ZNF132: variants seen among roughly 807,000 people sequenced by gnomAD.
ZNF132 encodes the protein zinc finger protein 132 (clone pHZ-12).
A neutral mutation model predicts 9.3 loss-of-function variants in ZNF132; 6 were observed. The observed-to-expected ratio is 0.65, with a 90% confidence interval of 0.35 to 1.28. The LOEUF is 1.28. Ranked by LOEUF, ZNF132 falls within the 50% of genes most tolerant of loss-of-function variation. ZNF132 has a pLI of 0.03. For missense variants in ZNF132, 877 were observed against 843.2 expected (o/e 1.04, Z -0.50); for synonymous variants, 296 against 292.0 (o/e 1.01, Z -0.14).
In ZNF132 at chr19:58,433,906, C is replaced by G; in HGVS notation, c.1538G>C (p.Arg513Thr). 6.2e-7 allele frequency: 1 copy of G among 1,614,144 alleles called. No individual in the cohort carries two copies. Among genetic ancestry groups the G allele is most frequent in the Non-Finnish European group, 8.5e-7 (1 of 1,180,022 alleles). ...CCTACATTCGCTGCACTCATAAGGC[C>G]TTTGCCCAGTATGTACTTTCTGGTG... ...IQHQKVHTGQ[R>T]PYECSECRKS... Residue 513 changes from arginine to threonine, a missense_variant, in exon 3 of 3, where the codon AGG (arginine) becomes ACG (threonine). Coordinates refer to ENST00000254166, the MANE Select transcript of ZNF132 (RefSeq NM_003433.4).
At chr19:58,437,285 T>TA (rs1405410154) in intron 1 of ZNF132, 70 bp from the exon 2 acceptor site, 1 of 1,479,546 alleles carries the variant, frequency 6.8e-7, no homozygotes, top group Non-Finnish European at 9.1e-7. Flanking sequence ...AGAATCCTGA[T>TA]ACATCTACCA....
At chr19:58,437,305 C>A in intron 1 of ZNF132, 90 bp from the exon 2 acceptor site, 1 of 1,405,672 alleles carries the variant, frequency 7.1e-7, no homozygotes, top group East Asian at 2.4e-5. Context: ...ACTAATATCT[C>A]TTTTTCTTAT....
chr19:58,439,095 A>T (rs2052788141), intron 1 of ZNF132, among the ~76,000 whole-genome samples: 1 of 152,076 alleles, frequency 6.6e-6, no homozygotes, highest in Non-Finnish European at 1.5e-5. Flanking sequence ...TTAACATTTC[A>T]CTTTCTTTCA....
rs1211634383 is a variant in ZNF132, at chr19:58,439,955, T to C, written c.-134A>G. On this transcript the variant is annotated 5_prime_UTR_variant, in exon 1 of 3. Transcript: ENST00000254166. ...CTCTGGGCACCGCAGGGACGAAGGCTGGGTATGGAGACCCTGGAGACGCGT... is the reference window on the plus strand; with the variant it reads ...CTCTGGGCACCGCAGGGACGAAGGCCGGGTATGGAGACCCTGGAGACGCGT... 3 of 895,516 alleles carry C rather than the reference T, an allele frequency of 3.4e-6. No homozygotes were observed. The highest frequency in any genetic ancestry group is 5.1e-6 in the Non-Finnish European group (3 of 592,442). The allele number at this position is 895,516 out of a possible 1,614,324, so 55.5% of individuals were successfully genotyped here. A position where few individuals can be genotyped will look rare whatever the true frequency, so the allele number is the denominator to read the frequency against.
chr19:58,432,987 C>A lies in ZNF132; in HGVS notation c.*336G>T. 1 of 195,234 alleles carries A rather than the reference C, an allele frequency of 5.1e-6. No homozygotes were observed. Among genetic ancestry groups the A allele is most frequent in the South Asian group, 1.1e-4 (1 of 8,986 alleles). The allele number at this position is 195,234 out of a possible 1,614,324, so 12.1% of individuals were successfully genotyped here. A position where few individuals can be genotyped will look rare whatever the true frequency, so the allele number is the denominator to read the frequency against. ...GCTCAAATTAGATTTCCCTCAAGGC[C>A]CCTCAACCAGCATCGGTTCAGCTGA... On this transcript the variant is annotated 3_prime_UTR_variant, in exon 3 of 3. Coordinates refer to ENST00000254166, the MANE Select transcript of ZNF132 (RefSeq NM_003433.4).
chr19:58,439,893 A>G lies in ZNF132; in HGVS notation c.-72T>C. ...CTTCCGCTGGGTGACGGTCGCACTC[A>G]GGACCTGTCTTCCCAAATGCAAAAT... On this transcript the variant is annotated 5_prime_UTR_variant, in exon 1 of 3. The change abolishes the stop of an existing upstream ORF in the 5' untranslated region. Transcript: ENST00000254166. 2.0e-6 allele frequency: 3 copies of G among 1,477,900 alleles called. No individual in the cohort carries two copies. Among genetic ancestry groups the G allele is most frequent in the Non-Finnish European group, 2.7e-6 (3 of 1,097,022 alleles). 91.5% of individuals were successfully genotyped at this position (1,477,900 alleles called of 1,614,324 possible).
rs1291084054 is a variant in ZNF132 at position 58,433,447 on chromosome 19, T to C, written c.1997A>G (p.Glu666Gly). ...ECIQCGKAFS[E>G]RSTLVRHQKV... is the part of the protein sequence containing the mutation. ...CTGGTGCCGAACAAGTGTAGATCTT[T>C]CACTAAAGGCTTTTCCACACTGGAT... The change falls in exon 3 of 3, where the codon GAA becomes GGA. Residue 666 changes from glutamate (E) to glycine (G), a missense_variant. By Grantham distance (98) the Glu-to-Gly change is moderately conservative (BLOSUM62 -2). Coordinates refer to ENST00000254166, the MANE Select transcript of ZNF132 (RefSeq NM_003433.4). The C allele has an allele frequency of 1.9e-6, 3 of 1,602,074 alleles. No individual in the cohort carries two copies. Among genetic ancestry groups the C allele is most frequent in the Non-Finnish European group, 8.5e-7 (1 of 1,174,538 alleles).
Position 58,437,125 on chromosome 19 carries a change from A to T in ZNF132, c.154T>A (p.Trp52Arg), listed in dbSNP as rs775234080. Reference sequence around the variant, plus strand: ...CTCTGGGCTGCATCAAGGAGCTCCCACTCCTCTTGGGAGAAGTATACAGCC... The same window carrying T: ...CTCTGGGCTGCATCAAGGAGCTCCCTCTCCTCTTGGGAGAAGTATACAGCC... Reference protein sequence around the residue: ...DVAVYFSQEEWELLDAAQRHL... With the variant: ...DVAVYFSQEERELLDAAQRHL... Residue 52 changes from tryptophan (W) to arginine (R), a missense_variant, in exon 2 of 3, where the codon TGG (tryptophan) becomes AGG (arginine). Coordinates refer to ENST00000254166, the MANE Select transcript of ZNF132 (RefSeq NM_003433.4). The T allele has an allele frequency of 1.2e-6, 2 of 1,613,884 alleles. No individual in the cohort carries two copies. The highest frequency in any genetic ancestry group is 1.7e-6 in the Non-Finnish European group (2 of 1,179,958).
rs1378831289 is a variant in ZNF132 at position 58,432,991 on chromosome 19, C to T, written c.*332G>A. The T allele has an allele frequency of 1.0e-5, 2 of 200,480 alleles. No individual in the cohort carries two copies. The highest frequency in any genetic ancestry group is 2.0e-5 in the Non-Finnish European group (2 of 100,226). 12.4% of individuals were successfully genotyped at this position (200,480 alleles called of 1,614,324 possible). A position where few individuals can be genotyped will look rare whatever the true frequency, so the allele number is the denominator to read the frequency against. On this transcript the variant is annotated 3_prime_UTR_variant, in exon 3 of 3. Coordinates refer to ENST00000254166, the MANE Select transcript of ZNF132 (RefSeq NM_003433.4). ...AAATTAGATTTCCCTCAAGGCCCCT[C>T]AACCAGCATCGGTTCAGCTGAGCAC...
chr19:58,433,161 G>T lies in ZNF132; in HGVS notation c.*162C>A. 2.8e-6 allele frequency: 2 copies of T among 717,386 alleles called. No homozygotes were observed. The highest frequency in any genetic ancestry group is 4.5e-6 in the Non-Finnish European group (2 of 442,964). 44.4% of individuals were successfully genotyped at this position (717,386 alleles called of 1,614,324 possible). A position where few individuals can be genotyped will look rare whatever the true frequency, so the allele number is the denominator to read the frequency against. ...TGCCTTATGCTGCATGGGTGAGATG[G>T]CCCTGCAAAGGTTCCTGGGCTGGTC... On this transcript the variant is annotated 3_prime_UTR_variant, in exon 3 of 3. Coordinates refer to ENST00000254166, the MANE Select transcript of ZNF132 (RefSeq NM_003433.4).
rs1380175936 is a variant in ZNF132 at position 58,439,882 on chromosome 19, C to T, written c.-61G>A. 5.3e-6 allele frequency: 8 copies of T among 1,504,656 alleles called. No individual in the cohort carries two copies. The highest frequency in any genetic ancestry group is 1.4e-5 in the African/African-American group (1 of 70,788). The allele number at this position is 1,504,656 out of a possible 1,614,324, so 93.2% of individuals were successfully genotyped here. A position where few individuals can be genotyped will look rare whatever the true frequency, so the allele number is the denominator to read the frequency against. Reference sequence around the variant, plus strand: ...GAACCCTCACACTTCCGCTGGGTGACGGTCGCACTCAGGACCTGTCTTCCC... The same window carrying T: ...GAACCCTCACACTTCCGCTGGGTGATGGTCGCACTCAGGACCTGTCTTCCC... On this transcript the variant is annotated 5_prime_UTR_variant, in exon 1 of 3. Transcript: ENST00000254166.
Position 58,434,320 on chromosome 19 carries a change from A to G in ZNF132, c.1124T>C (p.Phe375Ser), listed in dbSNP as rs2052760286. The change falls in exon 3 of 3, where the codon TTT becomes TCT. Residue 375 changes from phenylalanine (F) to serine (S), a missense_variant. Transcript: ENST00000254166. ...GGCTCTTCCACATTTCAGGCACTCA[A>G]AAGGCCTTTCTCCAGTGTGAACTTT... ...HEKVHTGERP[F>S]ECLKCGRAFS... 6.2e-7 allele frequency: 1 copy of G among 1,613,948 alleles called. No individual in the cohort carries two copies. Among genetic ancestry groups the G allele is most frequent in the Non-Finnish European group, 8.5e-7 (1 of 1,179,988 alleles).
rs772402828 is a variant in ZNF132, at chr19:58,439,749, C to G, written c.63+10G>C. Reference sequence around the variant, plus strand: ...CCAGCGGGTGAGGGCCTGGGGCACACTCCACTTACCTGCGCCGGGCCCATC... The same window carrying G: ...CCAGCGGGTGAGGGCCTGGGGCACAGTCCACTTACCTGCGCCGGGCCCATC... On this transcript the variant is annotated intron_variant, in intron 1 of 2. Transcript: ENST00000254166. 1.3e-6 allele frequency: 2 copies of G among 1,528,252 alleles called. No individual in the cohort carries two copies. Among genetic ancestry groups the G allele is most frequent in the South Asian group, 2.5e-5 (2 of 81,166 alleles). The allele number at this position is 1,528,252 out of a possible 1,614,324, so 94.7% of individuals were successfully genotyped here.
chr19:58,439,422 C>T (rs1279037448), intron 1 of ZNF132, among the ~76,000 whole-genome samples: 1 of 152,222 alleles, frequency 6.6e-6, no homozygotes, highest in East Asian at 1.9e-4. Flanking sequence ...TATTGGTTTC[C>T]CTTCCCTGTT....
Position 58,439,802 on chromosome 19 carries a change from T to C in ZNF132, c.20A>G (p.Gln7Arg). The C allele has an allele frequency of 6.5e-7, 1 of 1,546,310 alleles. No individual in the cohort carries two copies. MALPSP[Q>R]VLMGLPALLM... ...CAACGCTGGCAACCCCATTAGAACC[T>C]GTGGGCTGGGCAGGGCCATAACAGG... The change falls in exon 1 of 3, where the codon CAG (glutamine) becomes CGG (arginine). Residue 7 changes from glutamine (Q) to arginine (R), a missense_variant. By Grantham distance (43) the Gln-to-Arg change is conservative. Transcript: ENST00000254166.
In ZNF132 at chr19:58,433,356, A is replaced by G. The variant is rs758546475; in HGVS notation, c.2088T>C (p.Cys696=). The G allele has an allele frequency of 6.2e-7, 1 of 1,614,210 alleles. No individual in the cohort carries two copies. Among genetic ancestry groups the G allele is most frequent in the South Asian group, 1.1e-5 (1 of 91,086 alleles). ...GAATCTTTTTATGCTGTGCAAGGTT[A>G]CAAAGATGGCTGAAGAGTTTCCCAC... ...SQCGKLFSHL[C]NLAQHKKIHT is the part of the protein sequence containing the mutation. Residue 696 remains cysteine (C), a synonymous_variant, in exon 3 of 3, where the codon TGT becomes TGC. Coordinates refer to ENST00000254166, the MANE Select transcript of ZNF132 (RefSeq NM_003433.4).
At chr19:58,439,280 C>T (rs1476670917) in intron 1 of ZNF132, among the ~76,000 whole-genome samples, 2 of 152,164 alleles carry the variant, frequency 1.3e-5, no homozygotes, top group Non-Finnish European at 2.9e-5. Context: ...AGTCTGCTGC[C>T]CACTAGGCAT....
rs373410965 is a variant in ZNF132 at position 58,433,740 on chromosome 19, T to C, written c.1704A>G (p.Glu568=). Residue 568 remains glutamate (E), a synonymous_variant, in exon 3 of 3, where the codon GAA becomes GAG. Transcript: ENST00000254166. ...CACATTCATTGCACTCATAAGGCCT[T>C]TCTTTTGTGTGAACTCTCCAGTGTT... ...LIEHWRVHTK[E]RPYECNECGK... 3.5e-4 allele frequency: 562 copies of C among 1,614,104 alleles called. 9 individuals are homozygous for C. In the South Asian group the frequency reaches 4.9e-3, roughly 14 times the overall value.
Position 58,433,836 on chromosome 19 carries a change from A to T in ZNF132, c.1608T>A (p.Ile536=). 1 of 1,614,212 alleles carries T rather than the reference A, an allele frequency of 6.2e-7. No homozygotes were observed. The highest frequency in any genetic ancestry group is 1.1e-5 in the South Asian group (1 of 91,086). The change falls in exon 3 of 3, where the codon ATT becomes ATA. Residue 536 remains isoleucine, a synonymous_variant. Coordinates refer to ENST00000254166, the MANE Select transcript of ZNF132 (RefSeq NM_003433.4). ...ACTCGTAAGGCTTTTCTCCAGTGTG[A>T]ATTCTCCAGTGCTGAATCAGGCTGG... ...RSSSLIQHWR[I]HTGEKPYECS...
Sources: gnomAD v4.1 joint callset for allele counts (sites outside exome capture counted in the v4.1 genomes callset) on GRCh38, gnomAD v4.1.1 for gene constraint, MANE v1.5 for transcripts, NCBI Gene and HGNC (gene_info 2026-07-23, HGNC 2026-07-21) for gene names.